The following BCAS3 variants were observed in gnomAD, a reference collection of about 807,000 sequenced individuals.
The protein encoded by BCAS3 is BCAS4/BCAS3 fusion.
Under a neutral mutation model 116.1 loss-of-function variants are expected in BCAS3, and 53 were observed. The observed-to-expected ratio is 0.46, with a 90% CI of 0.37 to 0.57. The LOEUF (loss-of-function observed/expected upper bound fraction) is 0.57. BCAS3 is among the 20% of genes least tolerant of loss of function. The probability of loss-of-function intolerance (pLI) is 0.00; values close to 1 mark genes in which losing one functional copy is unlikely to be tolerated. For missense variants in BCAS3, 917 were observed against 1,165.4 expected (o/e 0.79, Z 3.10); for synonymous variants, 391 against 408.2 (o/e 0.96, Z 0.51).
intron 22 of BCAS3, among the ~76,000 whole-genome samples, chr17:61,250,019 C>G (rs538960683): frequency 6.6e-6 from 1 of 152,172 alleles, no homozygotes; most frequent in East Asian, 1.9e-4. Flanking sequence ...CATTGTAAAA[C>G]TAGAGAAGGT....
chr17:60,981,790 G>T (rs1219017637), intron 14 of BCAS3, among the ~76,000 whole-genome samples: 1 of 152,128 alleles, frequency 6.6e-6, no homozygotes, highest in Non-Finnish European at 1.5e-5. Context: ...TGCAAATGAA[G>T]AATCTCAAGG....
chr17:60,808,089 T>A lies in BCAS3; in HGVS notation c.476+13T>A, dbSNP rs768518772. 4 of 1,558,644 alleles carry A rather than the reference T, an allele frequency of 2.6e-6. No individual in the cohort carries two copies. The highest frequency in any genetic ancestry group is 1.8e-5 in the Admixed American group (1 of 56,762). On this transcript the variant is annotated intron_variant, in intron 7 of 23. Transcript: ENST00000407086. ...TTGGATCTTCTGGGTAAGGAAATTTTAAAAATTCTTTGTATCACCTATTAC... is the reference window on the plus strand; with the variant it reads ...TTGGATCTTCTGGGTAAGGAAATTTAAAAAATTCTTTGTATCACCTATTAC...
rs2145578019 is a variant in BCAS3 at position 61,028,178 on chromosome 17, A to T, written c.1638-6488A>T. Among the ~76,000 whole-genome samples, 2 of 152,010 alleles carry T rather than the reference A, an allele frequency of 1.3e-5. 1 individual carries two copies. The highest frequency in any genetic ancestry group is 4.1e-4 in the South Asian group (2 of 4,830). ...TTTAAGGTTAATTATTATTTGACACAAACTTATTTCAATGTTTATATGCCA... is the reference window on the plus strand; with the variant it reads ...TTTAAGGTTAATTATTATTTGACACTAACTTATTTCAATGTTTATATGCCA... On this transcript the variant is annotated intron_variant, in intron 16 of 23. Transcript: ENST00000407086. This position sits in a 1 kb window ranked among gnomAD's most constrained non-coding sequence, Gnocchi z 4.3.
chr17:60,921,668 C>T (rs1361434652), intron 12 of BCAS3, among the ~76,000 whole-genome samples: 14 of 140,294 alleles, frequency 1.0e-4, no homozygotes. Context: ...AACATGGGAA[C>T]TATTAATAGA....
chr17:61,045,913 T>TATATATATATTA (rs1555685083), intron 19 of BCAS3, among the ~76,000 whole-genome samples: 2 of 26,140 alleles, frequency 7.7e-5, no homozygotes, highest in African/African-American at 1.1e-3. Context: ...AAATATATAT[T>TATATATATATTA]TATATATATA....
At chr17:61,074,241 A>G (rs529956662) in intron 19 of BCAS3, among the ~76,000 whole-genome samples, 3 of 152,152 alleles carry the variant, frequency 2.0e-5, no homozygotes, top group Admixed American at 6.5e-5. Context: ...AAAAGAAGAA[A>G]AAAAGAAAAA....
rs2078226507 is a variant in BCAS3, at chr17:61,162,505, A to G, written c.2425+77941A>G. Among the ~76,000 whole-genome samples the G allele has an allele frequency of 6.6e-6, 1 of 152,224 alleles. No individual in the cohort carries two copies. The highest frequency in any genetic ancestry group is 6.5e-5 in the Admixed American group (1 of 15,286). ...AGGTATCCTGACAGAATTTCTGCCTATCTTTTTTCCTGCTACAGTCTGTTG... is the reference window on the plus strand; with the variant it reads ...AGGTATCCTGACAGAATTTCTGCCTGTCTTTTTTCCTGCTACAGTCTGTTG... On this transcript the variant is annotated intron_variant, in intron 22 of 23. Transcript: ENST00000407086. The surrounding 1 kb of genome is among the most constrained non-coding windows in gnomAD (Gnocchi z 5.6).
chr17:60,788,808 T>A (rs1568254012), intron 6 of BCAS3, among the ~76,000 whole-genome samples: 2 of 152,150 alleles, frequency 1.3e-5, no homozygotes, highest in Non-Finnish European at 2.9e-5. Flanking sequence ...TATAGAAAAT[T>A]TGGTAAGAAA....
At chr17:61,096,441 T>G (rs1364469285) in intron 22 of BCAS3, among the ~76,000 whole-genome samples, 1 of 152,170 alleles carries the variant, frequency 6.6e-6, no homozygotes, top group Non-Finnish European at 1.5e-5. Context: ...CCTGTAGTCT[T>G]AGCTACCTGG....
intron 14 of BCAS3, among the ~76,000 whole-genome samples, chr17:60,955,651 C>T (rs1452327609): frequency 6.6e-6 from 1 of 151,968 alleles, no homozygotes; most frequent in Non-Finnish European, 1.5e-5. Flanking sequence ...CCCACAGTGC[C>T]AGGATTACAG....
chr17:60,770,733 A>G (rs1279513733), intron 6 of BCAS3, among the ~76,000 whole-genome samples: 2 of 146,408 alleles, frequency 1.4e-5, no homozygotes, highest in South Asian at 2.2e-4. Flanking sequence ...TAGACGGTCT[A>G]TTTGAAGTGT....
chr17:61,103,190 A>G (rs2074432703), intron 22 of BCAS3, among the ~76,000 whole-genome samples: 1 of 152,148 alleles, frequency 6.6e-6, no homozygotes, highest in Admixed American at 6.5e-5. Context: ...TTCTTAGATT[A>G]TGCTGGTATA....
At chr17:60,835,796 G>T (rs537826167) in intron 7 of BCAS3, among the ~76,000 whole-genome samples, 15 of 151,926 alleles carry the variant, frequency 9.9e-5, no homozygotes, top group African/African-American at 3.6e-4. Flanking sequence ...TCATATTCTC[G>T]TGATGAAATT....
intron 4 of BCAS3, among the ~76,000 whole-genome samples, chr17:60,695,230 C>T (rs1316943820): frequency 6.6e-6 from 1 of 151,472 alleles, no homozygotes; most frequent in African/African-American, 2.4e-5. Context: ...AAGCGATTCT[C>T]CTGCCTCGGC....
chr17:60,823,452 A>G (rs1471517336), intron 7 of BCAS3, among the ~76,000 whole-genome samples: 7 of 151,956 alleles, frequency 4.6e-5, no homozygotes, highest in Admixed American at 6.6e-5. Flanking sequence ...TAATCCCAAG[A>G]TTTTGGGAGG....
In BCAS3 at chr17:60,731,188, TA is replaced by T. The variant is rs2040419110; in HGVS notation, c.322-16008del. Among the ~76,000 whole-genome samples the T allele has an allele frequency of 2.0e-5, 3 of 152,174 alleles. No individual in the cohort carries two copies. The South Asian group carries it at 6.2e-4, about 31-fold the overall frequency. On this transcript the variant is annotated intron_variant, in intron 5 of 23. Coordinates refer to ENST00000407086, the MANE Select transcript of BCAS3 (RefSeq NM_017679.5). ...ACATGTGAAGTAATTAGCAAATTGA[TA>T]ACTATACACGTGTTTTTTTGCTTGT...
intron 22 of BCAS3, among the ~76,000 whole-genome samples, chr17:61,111,071 C>T (rs1456260816): frequency 1.1e-4 from 16 of 150,584 alleles, no homozygotes; most frequent in East Asian, 5.9e-4. Flanking sequence ...ACATCCACAC[C>T]GAAAACCCAT....
At chr17:61,149,503 G>T (rs2077429336) in intron 22 of BCAS3, among the ~76,000 whole-genome samples, 1 of 151,936 alleles carries the variant, frequency 6.6e-6, no homozygotes, top group Non-Finnish European at 1.5e-5. Context: ...GATTTTTAAT[G>T]GCAACTTTGG....
chr17:60,766,034 A>C (rs1445834933), intron 6 of BCAS3, among the ~76,000 whole-genome samples: 3 of 152,204 alleles, frequency 2.0e-5, no homozygotes, highest in Non-Finnish European at 2.9e-5. Context: ...TTTCAGCTCC[A>C]TCAGGTCATT....
Sources: gnomAD v4.1 joint callset for allele counts (sites outside exome capture counted in the v4.1 genomes callset) on GRCh38, gnomAD v4.1.1 for gene constraint, Gnocchi (gnomAD v3.1) non-coding constraint, MANE v1.5 for transcripts, NCBI Gene and HGNC (gene_info 2026-07-23, HGNC 2026-07-21) for gene names.